The following ABCB1 variants were observed in gnomAD, a reference collection of about 807,000 sequenced individuals.
The protein encoded by ABCB1 is ATP-dependent translocase ABCB1.
In ABCB1, 69 loss-of-function variants were observed where a neutral mutation model predicts 142.0. The observed-to-expected ratio is 0.49, with a 90% CI of 0.40 to 0.59. The LOEUF (loss-of-function observed/expected upper bound fraction) is 0.59, where lower values mean the gene tolerates loss of function less well. Ranked by LOEUF, ABCB1 falls within the 20% of genes least tolerant of loss-of-function variation. ABCB1 has a pLI of 0.00. For synonymous variants in ABCB1, 532 were observed against 539.2 expected (o/e 0.99, Z 0.18); for missense variants, 1,326 against 1,554.7 (o/e 0.85, Z 2.47).
Position 87,627,301 on chromosome 7 carries a change from A to G in ABCB1, c.-330-26223T>C, listed in dbSNP as rs546279431. Among the ~76,000 whole-genome samples the G allele has an allele frequency of 1.3e-3, 203 of 152,348 alleles. 2 individuals carry two copies. The South Asian group carries it at 0.016, about 12-fold the overall frequency. On this transcript the variant is annotated intron_variant, in intron 1 of 28. Transcript: ENST00000265724. ...ATAAGAAAAATAGAGATAGCCACAC[A>G]AAACTATATATTCTCTGACATTCTT...
At chr7:87,570,064 G>A in intron 5 of ABCB1, 108 bp downstream of exon 5, 1 of 974,816 alleles carries the variant, frequency 1.0e-6, no homozygotes, top group Non-Finnish European at 1.6e-6. Flanking sequence ...ACTATCAAGA[G>A]TATTGTTCTC....
intron 3 of ABCB1, among the ~76,000 whole-genome samples, chr7:87,593,332 C>T (rs1274029189): frequency 1.3e-5 from 2 of 152,168 alleles, no homozygotes; most frequent in Non-Finnish European, 2.9e-5. Context: ...TTTTGTGTTT[C>T]TGTAAATGTT....
At chr7:87,673,608 T>A (rs1038798782) in intron 1 of ABCB1, among the ~76,000 whole-genome samples, 52 of 152,244 alleles carry the variant, frequency 3.4e-4, no homozygotes, top group African/African-American at 1.3e-3. Context: ...TCGGCTTCTG[T>A]ATCCGTTTGT....
chr7:87,544,063 C>G, intron 17 of ABCB1, 66 bp downstream of exon 17: 2 of 1,583,372 alleles, frequency 1.3e-6, no homozygotes, highest in Non-Finnish European at 1.7e-6. Context: ...CAGACACAAG[C>G]ACTTTATTCG....
intron 25 of ABCB1, among the ~76,000 whole-genome samples, chr7:87,510,335 G>C (rs981555008): frequency 6.6e-6 from 1 of 152,240 alleles, no homozygotes; most frequent in Admixed American, 6.5e-5. Context: ...ACAGGGGTAG[G>C]AAAGGGTGAA....
chr7:87,683,958 A>C (rs1827192308), intron 1 of ABCB1, among the ~76,000 whole-genome samples: 1 of 152,250 alleles, frequency 6.6e-6, no homozygotes, highest in South Asian at 2.1e-4. Context: ...AAATATTGAC[A>C]GATCAAACTG....
chr7:87,590,915 TTGAGAGAG>T (rs1563066426), intron 3 of ABCB1, among the ~76,000 whole-genome samples: 2 of 152,098 alleles, frequency 1.3e-5, no homozygotes, highest in Admixed American at 1.3e-4. Flanking sequence ...GAAAGAGCAG[TTGAGAGAG>T]TAAAGTCTTG....
At chr7:87,610,214 C>T (rs376697570) in intron 1 of ABCB1, among the ~76,000 whole-genome samples, 4 of 149,350 alleles carry the variant, frequency 2.7e-5, no homozygotes, top group Non-Finnish European at 5.9e-5. Flanking sequence ...TTCTTATGTA[C>T]GAACTAGCTT....
At chr7:87,562,105 A>G (rs920460702) in intron 7 of ABCB1, among the ~76,000 whole-genome samples, 1 of 152,224 alleles carries the variant, frequency 6.6e-6, no homozygotes, top group Non-Finnish European at 1.5e-5. Flanking sequence ...TGTAAGTAAC[A>G]TTGATCTATC....
intron 1 of ABCB1, among the ~76,000 whole-genome samples, chr7:87,611,483 C>A (rs1352690151): frequency 6.6e-6 from 1 of 151,988 alleles, no homozygotes; most frequent in Non-Finnish European, 1.5e-5. Context: ...ATTTGATTTT[C>A]TTTTTCTGCA....
intron 21 of ABCB1, among the ~76,000 whole-genome samples, chr7:87,530,363 A>T (rs1435183467): frequency 6.6e-6 from 1 of 152,304 alleles, no homozygotes; most frequent in East Asian, 1.9e-4. Flanking sequence ...AAGAGAAACA[A>T]CTTTGGAGCA....
chr7:87,554,073 A>G (rs1282413353), intron 8 of ABCB1, 141 bp from the exon 9 acceptor site: 3 of 740,734 alleles, frequency 4.1e-6, no homozygotes, highest in African/African-American at 3.5e-5. Context: ...TTGACCCTAT[A>G]TAGTAGTACT....
intron 20 of ABCB1, among the ~76,000 whole-genome samples, chr7:87,532,798 G>C (rs1481110068): frequency 6.6e-6 from 1 of 152,040 alleles, no homozygotes; most frequent in Non-Finnish European, 1.5e-5. Flanking sequence ...TTACTCTGTG[G>C]ATTCGCCTTG....
rs565304916 is a variant in ABCB1, at chr7:87,677,212, G to A, written c.-331+35949C>T. Among the ~76,000 whole-genome samples the A allele has an allele frequency of 7.4e-5, 11 of 148,694 alleles. No individual in the cohort carries two copies. The East Asian group carries it at 2.2e-3, about 30-fold the overall frequency. ...TTGCAGGATTTTTAACAGTAGCCAA[G>A]ATATTAAGACAACCTAAGTAGCTGT... is the stretch of plus-strand genomic sequence containing the variant. On this transcript the variant is annotated intron_variant, in intron 1 of 28. Transcript: ENST00000265724.
At chr7:87,564,783 T>C (rs1016232294) in intron 7 of ABCB1, among the ~76,000 whole-genome samples, 32 of 152,248 alleles carry the variant, frequency 2.1e-4, no homozygotes, top group African/African-American at 7.5e-4. Flanking sequence ...ATAAATGGCA[T>C]GTGAAGCAAT....
chr7:87,581,415 A>G (rs1818501159), intron 4 of ABCB1, among the ~76,000 whole-genome samples: 1 of 152,194 alleles, frequency 6.6e-6, no homozygotes, highest in Admixed American at 6.6e-5. Flanking sequence ...CTCATAAGGA[A>G]GATGAGAATT....
chr7:87,637,457 T>C (rs943780431), intron 1 of ABCB1, among the ~76,000 whole-genome samples: 5 of 152,218 alleles, frequency 3.3e-5, no homozygotes, highest in African/African-American at 1.2e-4. Context: ...AAAATATTTT[T>C]CTGGGATTTT....
chr7:87,700,199 C>A (rs1367028587), intron 1 of ABCB1, among the ~76,000 whole-genome samples: 1 of 151,970 alleles, frequency 6.6e-6, no homozygotes, highest in East Asian at 1.9e-4. Context: ...AGACTATGAT[C>A]CAGACTCATT....
chr7:87,629,399 T>G, intron 1 of ABCB1: 1 of 153,998 alleles, frequency 6.5e-6, no homozygotes, highest in Non-Finnish European at 1.4e-5. Flanking sequence ...CCATTTCATT[T>G]CACACGTTAG....
Sources: allele counts gnomAD v4.1 joint callset (sites outside exome capture counted in the v4.1 genomes callset), GRCh38; gene constraint gnomAD v4.1.1; transcripts MANE v1.5; gene names NCBI Gene and HGNC (gene_info 2026-07-23, HGNC 2026-07-21).